The following RFLNA variants were observed in gnomAD, a reference collection of about 807,000 sequenced individuals.
RFLNA encodes the protein refilin-A.
A neutral mutation model predicts 7.8 loss-of-function variants in RFLNA; 5 were observed. That is an observed-to-expected ratio of 0.64 (90% CI 0.34 to 1.35). The LOEUF (loss-of-function observed/expected upper bound fraction) is 1.35. Among genes scored for constraint, RFLNA ranks in the 40% most tolerant of loss-of-function variants. The pLI, the probability that RFLNA is intolerant of heterozygous loss-of-function variation, is 0.04. For synonymous variants in RFLNA, 141 were observed against 131.3 expected (o/e 1.07, Z -0.50); for missense variants, 278 against 305.5 (o/e 0.91, Z 0.67).
At chr12:124,292,132 A>G (rs374494280), upstream of RFLNA, among the ~76,000 whole-genome samples, 21 of 152,282 alleles carry the variant, frequency 1.4e-4, 1 homozygote, top group Admixed American at 5.9e-4. Context: ...ATGTGTGTAT[A>G]TGTGAGGAAC....
In RFLNA at chr12:124,315,089, C is replaced by G; in HGVS notation, c.*564C>G. ...GAGGTCTGGAGCTGTGGCTGAGCCA[C>G]CTCTGGCGGATGTTGAGCCAGGAGG... On this transcript the variant is annotated 3_prime_UTR_variant, in exon 3 of 3. Coordinates refer to ENST00000546355, the MANE Select transcript of RFLNA (RefSeq NM_001365156.1). The G allele has an allele frequency of 5.2e-6, 1 of 192,046 alleles. No individual in the cohort carries two copies. The highest frequency in any genetic ancestry group is 1.3e-4 in the East Asian group (1 of 7,676). 11.9% of individuals were successfully genotyped at this position (192,046 alleles called of 1,614,324 possible). A position where few individuals can be genotyped will look rare whatever the true frequency, so the allele number is the denominator to read the frequency against.
At chr12:124,311,964 G>C in intron 2 of RFLNA, 37 bp downstream of exon 2, 1 of 1,492,884 alleles carries the variant, frequency 6.7e-7, no homozygotes, top group Non-Finnish European at 9.0e-7. Context: ...GGAGGAGGGG[G>C]TGGGGGGTTG....
At position 124,314,458 on chromosome 12, in the gene RFLNA, C is replaced by A; in HGVS notation, c.584C>A (p.Thr195Asn). The change falls in exon 3 of 3, where the codon ACC (threonine) becomes AAC (asparagine). Residue 195 changes from threonine to asparagine, a missense_variant. By Grantham distance (65) the Thr-to-Asn change is moderately conservative. Transcript: ENST00000546355. ...CTGGGCCGGCCCAGCCGCTGGTTCA[C>A]CGCCAGCGTGCAGCTGCAGCTTTGC... ...CSLGRPSRWFTASVQLQLCQD... is the reference protein window; with the variant it reads ...CSLGRPSRWFNASVQLQLCQD... 1 of 1,600,542 alleles carries A rather than the reference C, an allele frequency of 6.2e-7. No homozygotes were observed. The highest frequency in any genetic ancestry group is 8.5e-7 in the Non-Finnish European group (1 of 1,179,526).
intron 2 of RFLNA, 87 bp downstream of exon 2, chr12:124,312,014 C>A: frequency 7.1e-7 from 1 of 1,400,210 alleles, no homozygotes; most frequent in Non-Finnish European, 9.4e-7. Flanking sequence ...GGGGTGGGGA[C>A]TAGGCCAAGC....
At chr12:124,302,825 A>AGAGGGCCGAGGTCAG (rs1555294766) in intron 1 of RFLNA, among the ~76,000 whole-genome samples, 9 of 120,642 alleles carry the variant, frequency 7.5e-5, no homozygotes, top group Non-Finnish European at 1.1e-4. Context: ...GGCCGAGGTC[A>AGAGGGCCGAGGTCAG]GGGGCCGAGG....
chr12:124,297,258 A>T (rs576147159), intron 1 of RFLNA, among the ~76,000 whole-genome samples: 1 of 152,246 alleles, frequency 6.6e-6, no homozygotes, highest in African/African-American at 2.4e-5. Flanking sequence ...CAAGAATAGC[A>T]TGGCTGGCTT....
chr12:124,299,794 T>C (rs1254202455), intron 1 of RFLNA, among the ~76,000 whole-genome samples: 1 of 146,082 alleles, frequency 6.8e-6, no homozygotes, highest in East Asian at 2.0e-4. Context: ...TAAAGCGGGG[T>C]GGGTGAGTAA....
intron 2 of RFLNA, among the ~76,000 whole-genome samples, chr12:124,312,942 C>CA (rs2034279649): frequency 6.6e-6 from 1 of 152,214 alleles, no homozygotes; most frequent in African/African-American, 2.4e-5. Context: ...GTCTTACCCA[C>CA]ATATCTATGG....
rs578115384 is a variant in RFLNA at position 124,299,127 on chromosome 12, C to T, written c.207+3491C>T. On this transcript the variant is annotated intron_variant, in intron 1 of 2. Transcript: ENST00000546355. ...ATTTTTAAAAAGCCATCATGAGCTT[C>T]CATTCCACACTCCCCAAATTAGAAA... 3.3e-5 allele frequency among the ~76,000 whole-genome samples: 5 copies of T among 152,374 alleles called. No homozygotes were observed. In the South Asian group the frequency reaches 1.0e-3, roughly 32 times the overall value.
intron 1 of RFLNA, among the ~76,000 whole-genome samples, chr12:124,300,044 TG>T: frequency 4.6e-5 from 7 of 152,216 alleles, no homozygotes. Context: ...AGGCTGAAAG[TG>T]GCATTTGGGA....
Position 124,315,405 on chromosome 12 carries a change from G to C in RFLNA, c.*880G>C, listed in dbSNP as rs1279700204. 1.3e-5 allele frequency: 2 copies of C among 152,438 alleles called. No individual in the cohort carries two copies. The highest frequency in any genetic ancestry group is 4.8e-5 in the African/African-American group (2 of 41,472). The allele number at this position is 152,438 out of a possible 1,614,324, so 9.4% of individuals were successfully genotyped here. A position where few individuals can be genotyped will look rare whatever the true frequency, so the allele number is the denominator to read the frequency against. On this transcript the variant is annotated 3_prime_UTR_variant, in exon 3 of 3. Transcript: ENST00000546355. Reference sequence around the variant, plus strand: ...GAAGCTCTCGGAAATGCTGCCACCTGTGTGAGGCCGGGTCTGAACTCGAGG... The same window carrying C: ...GAAGCTCTCGGAAATGCTGCCACCTCTGTGAGGCCGGGTCTGAACTCGAGG...
upstream of RFLNA, among the ~76,000 whole-genome samples, chr12:124,294,947 T>C (rs1487311271): frequency 6.6e-6 from 1 of 152,074 alleles, no homozygotes; most frequent in African/African-American, 2.4e-5. Flanking sequence ...GGACTCCAGC[T>C]GCTGGCTGGG....
intron 1 of RFLNA, among the ~76,000 whole-genome samples, chr12:124,305,396 A>C (rs935862937): frequency 1.3e-5 from 2 of 152,242 alleles, no homozygotes; most frequent in Non-Finnish European, 2.9e-5. Flanking sequence ...AGAGACGGGA[A>C]GTCATTGGCC....
upstream of RFLNA, among the ~76,000 whole-genome samples, chr12:124,290,248 G>A (rs1175317490): frequency 6.6e-6 from 1 of 152,154 alleles, no homozygotes; most frequent in East Asian, 1.9e-4. The surrounding 1 kb of genome is among the most constrained non-coding windows in gnomAD (Gnocchi z 4.0). Flanking sequence ...GTAGACATGC[G>A]TGTATACGTG....
At chr12:124,300,777 CGGAT>C (rs59223953) in intron 1 of RFLNA, among the ~76,000 whole-genome samples, 17,804 of 69,762 alleles carry the variant, frequency 0.26, 1,349 homozygotes, top group African/African-American at 0.3. Context: ...GATGGATTGA[CGGAT>C]GGATGGATGG....
Position 124,306,428 on chromosome 12 carries a change from A to T in RFLNA, c.208-5390A>T, listed in dbSNP as rs576373838. The stretch of plus-strand genomic sequence containing the variant: ...GTCACAGACAAGGGGCCGAGACAGG[A>T]ACAGGCAGAGGCCCGAGTGGGAATC... On this transcript the variant is annotated intron_variant, in intron 1 of 2. Coordinates refer to ENST00000546355, the MANE Select transcript of RFLNA (RefSeq NM_001365156.1). This position sits in a 1 kb window ranked among gnomAD's most constrained non-coding sequence, Gnocchi z 5.2. Among the ~76,000 whole-genome samples the T allele has an allele frequency of 6.6e-6, 1 of 152,100 alleles. No homozygotes were observed. The highest frequency in any genetic ancestry group is 6.5e-5 in the Admixed American group (1 of 15,280).
intron 2 of RFLNA, among the ~76,000 whole-genome samples, chr12:124,313,944 T>C (rs1398943653): frequency 6.6e-6 from 1 of 152,160 alleles, no homozygotes; most frequent in Non-Finnish European, 1.5e-5. Flanking sequence ...CTGGCTTACT[T>C]TTCTCCCCAG....
intron 1 of RFLNA, among the ~76,000 whole-genome samples, chr12:124,307,707 CTT>C (rs1325719520): frequency 6.6e-6 from 1 of 152,166 alleles, no homozygotes; most frequent in East Asian, 1.9e-4. Flanking sequence ...GGCTTGTCGA[CTT>C]TTAGCATGTG....
Position 124,295,331 on chromosome 12 carries a change from G to A in RFLNA, c.-99G>A. 1 of 616,928 alleles carries A rather than the reference G, an allele frequency of 1.6e-6. No individual in the cohort carries two copies. Among genetic ancestry groups the A allele is most frequent in the Non-Finnish European group, 2.3e-6 (1 of 441,860 alleles). 38.2% of individuals were successfully genotyped at this position (616,928 alleles called of 1,614,324 possible). ...TCTCGCGGTGCCCGCAGGTCCCCGGGCGCGCAGCTCTCGCCCCGCCGCCGC... is the reference window on the plus strand; with the variant it reads ...TCTCGCGGTGCCCGCAGGTCCCCGGACGCGCAGCTCTCGCCCCGCCGCCGC... On this transcript the variant is annotated 5_prime_UTR_variant, in exon 1 of 3. Coordinates refer to ENST00000546355, the MANE Select transcript of RFLNA (RefSeq NM_001365156.1).
Sources: allele counts gnomAD v4.1 joint callset (sites outside exome capture counted in the v4.1 genomes callset), GRCh38; gene constraint gnomAD v4.1.1; non-coding constraint Gnocchi (gnomAD v3.1); transcripts MANE v1.5; gene names NCBI Gene and HGNC (gene_info 2026-07-23, HGNC 2026-07-21).